The following VCPIP1 variants were observed in gnomAD, a reference collection of about 807,000 sequenced individuals.
VCPIP1 encodes deubiquitinating protein VCPIP1.
Under a neutral mutation model 85.0 loss-of-function variants are expected in VCPIP1, and 8 were observed. The observed-to-expected ratio is 0.09, with a 90% confidence interval of 0.06 to 0.17. VCPIP1 has a LOEUF of 0.17. VCPIP1 is among the 10% of genes least tolerant of loss of function. The pLI is 1.00. For synonymous variants in VCPIP1, 543 were observed against 544.5 expected, an observed-to-expected ratio of 1.00 and a Z score of 0.04; for missense variants, 1,070 against 1,486.3, an observed-to-expected ratio of 0.72 and a Z score of 4.61.
In VCPIP1 at chr8:66,666,730, G is replaced by C; in HGVS notation, c.229C>G (p.His77Asp). 1 of 1,614,074 alleles carries C rather than the reference G, an allele frequency of 6.2e-7. No homozygotes were observed. The highest frequency in any genetic ancestry group is 8.5e-7 in the Non-Finnish European group (1 of 1,179,978). Residue 77 changes from histidine (H) to aspartate (D), a missense_variant, in exon 1 of 3, where the codon CAC becomes GAC. This residue lies in a region of VCPIP1 where 164 missense variants were observed against 158.6 expected (regional missense o/e 1.03). Coordinates refer to ENST00000310421, the MANE Select transcript of VCPIP1 (RefSeq NM_025054.5). The surrounding 1 kb of genome is among the most constrained non-coding windows in gnomAD (Gnocchi z 6.3). The stretch of plus-strand genomic sequence containing the variant: ...ACCCCCAGCAGCTGTTGCTGCTCGT[G>C]CCGCTGGCCGCACTCGGTACACTCG... ...SIECTECGQR[H>D]EQQQLLGVEE... is the part of the protein sequence containing the mutation.
chr8:66,635,893 A>G (rs538895125), intron 2 of VCPIP1, among the ~76,000 whole-genome samples: 334 of 145,890 alleles, frequency 2.3e-3, no homozygotes, highest in Non-Finnish European at 3.4e-3. Context: ...AGCCTGGACA[A>G]TAAGAGTGAA....
Position 66,634,369 on chromosome 8 carries a change from A to G in VCPIP1, c.*132T>C, listed in dbSNP as rs1231227824. 16 of 1,078,486 alleles carry G rather than the reference A, an allele frequency of 1.5e-5. No homozygotes were observed. The Admixed American group carries it at 4.3e-4, about 29-fold the overall frequency. The allele number at this position is 1,078,486 out of a possible 1,614,324, so 66.8% of individuals were successfully genotyped here. The stretch of plus-strand genomic sequence containing the variant: ...GCCAATCACACACTTGCTATCATGC[A>G]CTGAATAACAAGATATAATCTTTGA... On this transcript the variant is annotated 3_prime_UTR_variant, in exon 3 of 3. Coordinates refer to ENST00000310421, the MANE Select transcript of VCPIP1 (RefSeq NM_025054.5).
chr8:66,648,524 C>CT (rs1252226391), intron 2 of VCPIP1, among the ~76,000 whole-genome samples: 3 of 136,880 alleles, frequency 2.2e-5, no homozygotes, highest in African/African-American at 8.2e-5. Flanking sequence ...ATCTATGTAT[C>CT]TAATCTATCT....
Position 66,655,941 on chromosome 8 carries a change from C to A in VCPIP1, c.2711-4397G>T, listed in dbSNP as rs1441225553. Among the ~76,000 whole-genome samples the A allele has an allele frequency of 3.3e-5, 5 of 152,128 alleles. No individual in the cohort carries two copies. In the East Asian group the frequency reaches 9.7e-4, roughly 29 times the overall value. ...CTGCCTTGCTTCCACAAATCCTTCC[C>A]CCCTCATAACCTTCAATCTTCTACC... On this transcript the variant is annotated intron_variant, in intron 1 of 2. Coordinates refer to ENST00000310421, the MANE Select transcript of VCPIP1 (RefSeq NM_025054.5).
At chr8:66,652,406 G>A (rs1361399230) in intron 1 of VCPIP1, among the ~76,000 whole-genome samples, 1 of 152,234 alleles carries the variant, frequency 6.6e-6, no homozygotes, top group East Asian at 1.9e-4. Context: ...CTGAGGTCAG[G>A]AGTTCGAGAC....
intron 1 of VCPIP1, 45 bp from the exon 2 acceptor site, chr8:66,651,589 T>A (rs777054211): frequency 6.5e-7 from 1 of 1,527,102 alleles, no homozygotes; most frequent in Non-Finnish European, 9.0e-7. Flanking sequence ...AACAAAAGAG[T>A]TCCATCCAGG....
At chr8:66,652,673 T>C (rs1811065378) in intron 1 of VCPIP1, among the ~76,000 whole-genome samples, 1 of 151,974 alleles carries the variant, frequency 6.6e-6, no homozygotes, top group Admixed American at 6.6e-5. Context: ...AAATTTTATA[T>C]TTATATTAAA....
At chr8:66,663,768 A>G (rs1321361104) in intron 1 of VCPIP1, among the ~76,000 whole-genome samples, 2 of 152,202 alleles carry the variant, frequency 1.3e-5, no homozygotes, top group East Asian at 3.8e-4. Flanking sequence ...ATGAACTGGG[A>G]AAGGAAGAAA....
intron 1 of VCPIP1, among the ~76,000 whole-genome samples, chr8:66,659,455 T>C (rs1051666167): frequency 2.6e-5 from 4 of 152,172 alleles, no homozygotes; most frequent in Admixed American, 6.5e-5. Context: ...TGTTATTCCA[T>C]TTTATAGTTC....
chr8:66,659,525 CCTA>C (rs1046983192), intron 1 of VCPIP1, among the ~76,000 whole-genome samples: 3 of 152,240 alleles, frequency 2.0e-5, no homozygotes, highest in Admixed American at 6.5e-5. Flanking sequence ...GACTAATACA[CCTA>C]CTTATTGTTT....
chr8:66,659,891 C>A (rs569890767), intron 1 of VCPIP1, among the ~76,000 whole-genome samples: 1 of 151,930 alleles, frequency 6.6e-6, no homozygotes, highest in East Asian at 1.9e-4. Context: ...CACCACTGCA[C>A]TCCAGGCTGG....
chr8:66,656,026 A>G (rs1390215709), intron 1 of VCPIP1, among the ~76,000 whole-genome samples: 2 of 151,890 alleles, frequency 1.3e-5, no homozygotes, highest in Non-Finnish European at 2.9e-5. Context: ...GGTTTATCCA[A>G]TTTTTTTCCT....
chr8:66,641,912 T>C (rs1212102363), intron 2 of VCPIP1, among the ~76,000 whole-genome samples: 1 of 152,226 alleles, frequency 6.6e-6, no homozygotes, highest in African/African-American at 2.4e-5. Flanking sequence ...TGTGTACAAA[T>C]TTTGTGTGGA....
intron 1 of VCPIP1, chr8:66,653,501 G>A (rs1359686784): frequency 3.3e-5 from 5 of 152,118 alleles, no homozygotes; most frequent in African/African-American, 1.2e-4. Context: ...TATCTCAACT[G>A]ACTGTTCAGT....
chr8:66,649,634 T>C (rs1003458458), intron 2 of VCPIP1, among the ~76,000 whole-genome samples: 7 of 152,290 alleles, frequency 4.6e-5, no homozygotes, highest in African/African-American at 1.7e-4. Flanking sequence ...CATGGTAATA[T>C]GAAAAAGGCA....
At chr8:66,650,380 C>A (rs1332686986) in intron 2 of VCPIP1, among the ~76,000 whole-genome samples, 1 of 152,024 alleles carries the variant, frequency 6.6e-6, no homozygotes, top group Non-Finnish European at 1.5e-5. Flanking sequence ...GCAATTAATG[C>A]CTACAGTGGC....
At chr8:66,658,660 TG>T (rs1416829169) in intron 1 of VCPIP1, among the ~76,000 whole-genome samples, 1 of 152,042 alleles carries the variant, frequency 6.6e-6, no homozygotes, top group East Asian at 1.9e-4. Flanking sequence ...GGCTAATTTT[TG>T]TATTTTTAGT....
intron 2 of VCPIP1, among the ~76,000 whole-genome samples, chr8:66,636,380 T>A (rs957379701): frequency 1.3e-5 from 2 of 150,324 alleles, no homozygotes; most frequent in African/African-American, 4.9e-5. Context: ...TGGAAAAAAA[T>A]CTAAATTTTC....
rs1264522055 is a variant in VCPIP1, at chr8:66,664,804, T to C, written c.2155A>G (p.Asn719Asp). 1.9e-6 allele frequency: 3 copies of C among 1,612,350 alleles called. No individual in the cohort carries two copies. The highest frequency in any genetic ancestry group is 2.5e-6 in the Non-Finnish European group (3 of 1,179,532). ...MSKTERTIQQ[N>D]ITEQASVMQK... ...ATTACAGAAGCCTGTTCCGTAATAT[T>C]CTGTTGAATAGTTCTTTCAGTTTTA... The change falls in exon 1 of 3, where the codon AAT becomes GAT. Residue 719 changes from asparagine (N) to aspartate (D), a missense_variant. Asn to Asp is a conservative substitution (Grantham distance 23, BLOSUM62 1). Around this residue, in one of 8 missense-constraint regions of VCPIP1, gnomAD observed 278 missense variants for 298.5 expected, o/e 0.93. Coordinates refer to ENST00000310421, the MANE Select transcript of VCPIP1 (RefSeq NM_025054.5).
Sources: gnomAD v4.1 joint callset for allele counts (sites outside exome capture counted in the v4.1 genomes callset) on GRCh38, gnomAD v4.1.1 for gene constraint, gnomAD v4.1.1 regional missense constraint, Gnocchi (gnomAD v3.1) non-coding constraint, MANE v1.5 for transcripts, NCBI Gene and HGNC (gene_info 2026-07-23, HGNC 2026-07-21) for gene names.